Variants in LRRC49 observed in about 807,000 individuals in gnomAD.
LRRC49 encodes leucine-rich repeat-containing protein 49.
A neutral mutation model predicts 83.3 loss-of-function variants in LRRC49; 50 were observed. The ratio of observed to expected loss-of-function variants is 0.60; its 90% CI spans 0.48 to 0.76. The LOEUF (loss-of-function observed/expected upper bound fraction) is 0.76, where lower values mean the gene tolerates loss of function less well. LRRC49 is among the 30% of genes least tolerant of loss of function. LRRC49 has a pLI of 0.00. For synonymous variants in LRRC49, 286 were observed against 283.3 expected (o/e 1.01, Z -0.10); for missense variants, 704 against 809.1 (o/e 0.87, Z 1.58).
chr15:70,949,440 C>T (rs574730299), intron 8 of LRRC49, among the ~76,000 whole-genome samples: 1 of 152,120 alleles, frequency 6.6e-6, no homozygotes, highest in Non-Finnish European at 1.5e-5. Context: ...CATATCAAAG[C>T]GTAGCACATA....
At chr15:70,927,298 C>T (rs2035237384) in intron 7 of LRRC49, among the ~76,000 whole-genome samples, 1 of 151,970 alleles carries the variant, frequency 6.6e-6, no homozygotes, top group Non-Finnish European at 1.5e-5. Context: ...ATCTTTTCAT[C>T]TTTTATGAAG....
intron 2 of LRRC49, among the ~76,000 whole-genome samples, chr15:70,880,670 C>T (rs1227109774): frequency 6.6e-6 from 1 of 151,906 alleles, no homozygotes; most frequent in Admixed American, 6.6e-5. Context: ...TCATGCAAAT[C>T]AGCAAATCAA....
Position 70,984,239 on chromosome 15 carries a change from C to A in LRRC49, c.1151C>A (p.Ala384Glu). The change falls in exon 11 of 16, where the codon GCA becomes GAA. Residue 384 changes from alanine (A) to glutamate (E), a missense_variant. By Grantham distance (107) the Ala-to-Glu change is moderately radical. Around this residue, in one of 3 missense-constraint regions of LRRC49, gnomAD observed 168 missense variants for 140.6 expected, o/e 1.20. Coordinates refer to ENST00000260382, the MANE Select transcript of LRRC49 (RefSeq NM_017691.5). The part of the protein sequence containing the change: ...PCQIDGSTLS[A>E]FPEETGPLDS... ...CAGATTGATGGAAGCACCCTCTCTG[C>A]ATTCCCAGAGGAAACAGGGTATGCA... The A allele has an allele frequency of 6.2e-6, 10 of 1,611,828 alleles. No homozygotes were observed. Among genetic ancestry groups the A allele is most frequent in the African/African-American group, 2.7e-5 (2 of 74,966 alleles).
intron 11 of LRRC49, among the ~76,000 whole-genome samples, chr15:70,995,407 T>C (rs1226039896): frequency 6.6e-6 from 1 of 151,512 alleles, no homozygotes; most frequent in Non-Finnish European, 1.5e-5. Context: ...CTAAGCAATA[T>C]GGAAGCCATT....
intron 2 of LRRC49, among the ~76,000 whole-genome samples, chr15:70,877,967 A>C (rs2033186651): frequency 1.3e-5 from 2 of 152,148 alleles, no homozygotes; most frequent in Admixed American, 1.3e-4. Flanking sequence ...GTCTCTACTA[A>C]AAATATGAAA....
At chr15:70,933,904 CTTGT>C (rs1447273430) in intron 7 of LRRC49, among the ~76,000 whole-genome samples, 2 of 152,238 alleles carry the variant, frequency 1.3e-5, no homozygotes, top group East Asian at 3.9e-4. Context: ...CAATTTAGGG[CTTGT>C]TTAACTATCA....
At chr15:70,892,599 G>T (rs1456164507), upstream of LRRC49, 1 of 1,465,670 alleles carries the variant, frequency 6.8e-7, no homozygotes, top group African/African-American at 1.4e-5. Flanking sequence ...ATAGCAACCA[G>T]TGTGGCCAGC....
chr15:70,911,487 G>A (rs765975407), intron 5 of LRRC49, 45 bp from the exon 6 acceptor site: 1 of 1,067,854 alleles, frequency 9.4e-7, no homozygotes, highest in Non-Finnish European at 1.4e-6. Flanking sequence ...TTTACAGATA[G>A]ATGTGATACA....
At chr15:71,014,675 T>G (rs755310736) in intron 14 of LRRC49, among the ~76,000 whole-genome samples, 17 of 152,062 alleles carry the variant, frequency 1.1e-4, no homozygotes, top group Admixed American at 2.6e-4. Flanking sequence ...TTGATGACAC[T>G]AAAAACTACA....
intron 7 of LRRC49, 36 bp downstream of exon 7, chr15:70,919,229 GCTTT>G (rs1395654361): frequency 2.0e-6 from 3 of 1,531,618 alleles, no homozygotes; most frequent in Middle Eastern, 1.7e-4. Flanking sequence ...GTACTTTGTG[GCTTT>G]CTTTCAAGGA....
chr15:71,045,628 CA>C (rs1011888210), intron 15 of LRRC49, among the ~76,000 whole-genome samples: 14 of 152,138 alleles, frequency 9.2e-5, no homozygotes, highest in African/African-American at 3.4e-4. Context: ...CAAACCCTAT[CA>C]AAAAAAATTT....
intron 15 of LRRC49, 29 bp from the exon 16 acceptor site, chr15:71,049,380 A>T: frequency 7.0e-7 from 1 of 1,426,452 alleles, no homozygotes; most frequent in Non-Finnish European, 9.7e-7. Flanking sequence ...GTTATGATTT[A>T]ATACAAAACT....
chr15:70,873,261 C>T (rs1473323246), intron 2 of LRRC49: 3 of 1,528,388 alleles, frequency 2.0e-6, no homozygotes, highest in African/African-American at 1.4e-5. Flanking sequence ...TTTTGTATAA[C>T]AATTATACTC....
intron 11 of LRRC49, among the ~76,000 whole-genome samples, chr15:71,006,907 A>C (rs560031361): frequency 4.3e-4 from 66 of 152,210 alleles, no homozygotes; most frequent in African/African-American, 1.6e-3. Flanking sequence ...CACACAAAGC[A>C]CAATGTATGG....
In LRRC49 at chr15:71,051,610, C is replaced by T. The variant is rs2039995454; in HGVS notation, c.*1998C>T. The T allele has an allele frequency of 6.6e-6, 1 of 152,290 alleles. No individual in the cohort carries two copies. The highest frequency in any genetic ancestry group is 2.4e-5 in the African/African-American group (1 of 41,446). 9.4% of individuals were successfully genotyped at this position (152,290 alleles called of 1,614,324 possible). On this transcript the variant is annotated 3_prime_UTR_variant, in exon 16 of 16. Coordinates refer to ENST00000260382, the MANE Select transcript of LRRC49 (RefSeq NM_017691.5). ...TTGGGAGTCTGGGTAACTGTTCCCA[C>T]TCTAGGCTTTGCAGATGAATGGACC...
At chr15:71,024,746 A>C (rs1306152409) in intron 14 of LRRC49, among the ~76,000 whole-genome samples, 1 of 152,296 alleles carries the variant, frequency 6.6e-6, no homozygotes, top group Non-Finnish European at 1.5e-5. Context: ...AGGACACAGA[A>C]CTGGGTGAAG....
intron 5 of LRRC49, among the ~76,000 whole-genome samples, chr15:70,904,959 A>G (rs937111837): frequency 1.3e-5 from 2 of 152,186 alleles, no homozygotes; most frequent in African/African-American, 4.8e-5. Flanking sequence ...GATAACGTTT[A>G]TTATGTATTT....
chr15:70,904,813 A>G, intron 5 of LRRC49, 58 bp downstream of exon 5: 2 of 1,283,198 alleles, frequency 1.6e-6, no homozygotes, highest in South Asian at 1.4e-5. Context: ...TAATGTGGAG[A>G]TGACAACTTA....
intron 3 of LRRC49, chr15:70,900,671 A>G: frequency 4.3e-6 from 2 of 468,014 alleles, no homozygotes; most frequent in Admixed American, 2.9e-5. Context: ...GCACTGGACT[A>G]GTTCTGTACT....
Sources: allele counts gnomAD v4.1 joint callset (sites outside exome capture counted in the v4.1 genomes callset), GRCh38; gene constraint gnomAD v4.1.1; regional missense constraint gnomAD v4.1.1; transcripts MANE v1.5; gene names NCBI Gene and HGNC (gene_info 2026-07-23, HGNC 2026-07-21).